Variants in DPYS observed in about 807,000 individuals in gnomAD.
DPYS encodes dihydropyrimidinase, also known as dihydropyrimidine amidohydrolase.
In DPYS, 39 loss-of-function variants were observed where a neutral mutation model predicts 50.3. The observed-to-expected ratio is 0.78, with a 90% CI of 0.60 to 1.01. DPYS has a LOEUF of 1.01. Ranked by LOEUF, DPYS falls within the 50% of genes least tolerant of loss-of-function variation. The probability of loss-of-function intolerance (pLI) is 0.00; values close to 1 mark genes in which losing one functional copy is unlikely to be tolerated. For missense variants in DPYS, 659 were observed against 680.9 expected (o/e 0.97, Z 0.36); for synonymous variants, 245 against 250.7 (o/e 0.98, Z 0.22).
chr8:104,461,341 A>AAATAAAATAAAATAAAG, intron 1 of DPYS, among the ~76,000 whole-genome samples: 1 of 151,798 alleles, frequency 6.6e-6, no homozygotes, highest in Non-Finnish European at 1.5e-5. Context: ...AAATAAAATA[A>AAATAAAATAAAATAAAG]TGTCATTATC....
intron 4 of DPYS, among the ~76,000 whole-genome samples, chr8:104,430,269 ACTC>A (rs1812908085): frequency 6.6e-6 from 1 of 152,066 alleles, no homozygotes; most frequent in Admixed American, 6.6e-5. Context: ...GAAAAAAAGA[ACTC>A]CTCAAAAAAC....
chr8:104,425,130 GACA>G (rs1353720056), intron 6 of DPYS, among the ~76,000 whole-genome samples: 4 of 151,990 alleles, frequency 2.6e-5, no homozygotes, highest in Non-Finnish European at 4.4e-5. Context: ...GCACCCAGCT[GACA>G]ACATTTTTAA....
intron 7 of DPYS, among the ~76,000 whole-genome samples, chr8:104,393,776 T>C (rs1811484176): frequency 6.6e-6 from 1 of 152,230 alleles, no homozygotes; most frequent in African/African-American, 2.4e-5. Context: ...CAGTGACTAA[T>C]ATGAGCATAA....
Position 104,451,382 on chromosome 8 carries a change from G to A in DPYS, c.287C>T (p.Thr96Ile), listed in dbSNP as rs774176508. The part of the protein sequence containing the change: ...GTKAALSGGT[T>I]MIIDFAIPQK... ...AGGAATGGCGAAATCAATAATCATG[G>A]TGGTGCCTCCTGAGAGAGCAGCCTG... is the stretch of plus-strand genomic sequence containing the variant. Residue 96 changes from threonine to isoleucine, a missense_variant, in exon 2 of 10, where the codon ACC (threonine) becomes ATC (isoleucine). Physicochemically the swap from Thr to Ile is moderately conservative, Grantham distance 89 (BLOSUM62 -1). Transcript: ENST00000351513. The A allele has an allele frequency of 1.4e-5, 23 of 1,614,058 alleles. No homozygotes were observed. The highest frequency in any genetic ancestry group is 1.8e-5 in the Non-Finnish European group (21 of 1,180,036).
intron 4 of DPYS, among the ~76,000 whole-genome samples, chr8:104,440,449 C>A (rs1813310916): frequency 6.6e-6 from 1 of 152,156 alleles, no homozygotes; most frequent in Non-Finnish European, 1.5e-5. Context: ...ATTCTAGGGA[C>A]CACACTGTGA....
chr8:104,450,151 A>AGGGAGGAAGGG (rs1564110738), intron 2 of DPYS, among the ~76,000 whole-genome samples: 11 of 133,552 alleles, frequency 8.2e-5, no homozygotes, highest in African/African-American at 3.4e-4. Context: ...AGAAAGAAGG[A>AGGGAGGAAGGG]AGGGAGGAAG....
At position 104,406,660 on chromosome 8, in the gene DPYS, C is replaced by T. The variant is rs115301102; in HGVS notation, c.1236-13669G>A. Among the ~76,000 whole-genome samples, 156 of 152,348 alleles carry T rather than the reference C, an allele frequency of 1.0e-3. 1 individual carries two copies. The highest frequency in any genetic ancestry group is 3.5e-3 in the African/African-American group (147 of 41,568). ...TCTTCCCACTTCACCTCCATCTTCC[C>T]TTCCTGACCACTTGCCCTCTGGCCT... On this transcript the variant is annotated intron_variant, in intron 7 of 9. Coordinates refer to ENST00000351513, the MANE Select transcript of DPYS (RefSeq NM_001385.3).
At chr8:104,406,067 C>T (rs1024735926) in intron 7 of DPYS, among the ~76,000 whole-genome samples, 1 of 152,154 alleles carries the variant, frequency 6.6e-6, no homozygotes, top group Non-Finnish European at 1.5e-5. Flanking sequence ...TGGGTTACAC[C>T]GTCAGTAAGT....
chr8:104,409,638 A>G (rs1183036344), intron 7 of DPYS, among the ~76,000 whole-genome samples: 1 of 152,168 alleles, frequency 6.6e-6, no homozygotes, highest in Admixed American at 6.5e-5. Context: ...CCCACATTAT[A>G]AAAGTCATTT....
At chr8:104,451,462 A>T (rs2669429) in intron 1 of DPYS, 58 bp from the exon 2 acceptor site, 1 of 1,606,760 alleles carries the variant, frequency 6.2e-7, no homozygotes, top group Non-Finnish European at 8.5e-7. Context: ...TAAGTCATTT[A>T]TCATCTTGAA....
In DPYS at chr8:104,392,822, C is replaced by T; in HGVS notation, c.1405G>A (p.Ala469Thr). The change falls in exon 8 of 10, where the codon GCT (alanine) becomes ACT (threonine). Residue 469 changes from alanine to threonine, a missense_variant. Coordinates refer to ENST00000351513, the MANE Select transcript of DPYS (RefSeq NM_001385.3). ...DGKFIPRKPF[A>T]EYIYKRIKQR... ...TTTATTCGTTTGTAAATATATTCAGCAAATGGTTTTCGAGGAATAAACTTC... is the reference window on the plus strand; with the variant it reads ...TTTATTCGTTTGTAAATATATTCAGTAAATGGTTTTCGAGGAATAAACTTC... The T allele has an allele frequency of 6.2e-7, 1 of 1,614,166 alleles. No individual in the cohort carries two copies.
At chr8:104,433,458 C>G (rs186539694) in intron 4 of DPYS, among the ~76,000 whole-genome samples, 4 of 152,076 alleles carry the variant, frequency 2.6e-5, no homozygotes, top group Non-Finnish European at 4.4e-5. Flanking sequence ...CATGGTGAAA[C>G]CCCATCTCTA....
At chr8:104,421,919 C>T (rs1812562503) in intron 7 of DPYS, among the ~76,000 whole-genome samples, 1 of 152,160 alleles carries the variant, frequency 6.6e-6, no homozygotes, top group African/African-American at 2.4e-5. Context: ...TTTATATAGT[C>T]TAAAACGTGA....
chr8:104,417,536 T>C (rs1480760141), intron 7 of DPYS, among the ~76,000 whole-genome samples: 2 of 152,212 alleles, frequency 1.3e-5, no homozygotes, highest in Middle Eastern at 3.2e-3. Flanking sequence ...CAAGATCTTC[T>C]ACAGAAATGG....
At chr8:104,444,566 G>C (rs1033386822) in intron 3 of DPYS, 129 bp from the exon 4 acceptor site, 5 of 752,422 alleles carry the variant, frequency 6.6e-6, no homozygotes, top group Admixed American at 2.4e-5. Flanking sequence ...GTGTGTGTCT[G>C]TGTGTGTGTG....
intron 9 of DPYS, chr8:104,380,803 C>T: frequency 5.3e-6 from 1 of 187,344 alleles, no homozygotes; most frequent in Admixed American, 5.3e-5. Context: ...GTTGTATTTA[C>T]AATATGAAGA....
intron 8 of DPYS, 66 bp downstream of exon 8, chr8:104,392,718 C>A (rs1173313404): frequency 1.3e-6 from 2 of 1,595,390 alleles, no homozygotes; most frequent in East Asian, 2.2e-5. Context: ...CCAACAATAA[C>A]CAGCCAGACA....
At chr8:104,432,167 G>A (rs998511135) in intron 4 of DPYS, among the ~76,000 whole-genome samples, 6 of 152,134 alleles carry the variant, frequency 3.9e-5, no homozygotes, top group African/African-American at 7.2e-5. Context: ...AGGTTGTATC[G>A]TCTCTACCCA....
chr8:104,416,266 A>G (rs574532798), intron 7 of DPYS, among the ~76,000 whole-genome samples: 115 of 152,286 alleles, frequency 7.6e-4, no homozygotes, highest in African/African-American at 2.7e-3. Context: ...TTGCTATCAT[A>G]TGCTAGAAAA....
Sources: gnomAD v4.1 joint callset for allele counts (sites outside exome capture counted in the v4.1 genomes callset) on GRCh38, gnomAD v4.1.1 for gene constraint, MANE v1.5 for transcripts, NCBI Gene and HGNC (gene_info 2026-07-23, HGNC 2026-07-21) for gene names.